LTB: variants seen among roughly 807,000 people sequenced by gnomAD.
LTB encodes the protein lymphotoxin-beta.
In LTB, 17 loss-of-function variants were observed where a neutral mutation model predicts 14.7. The observed-to-expected ratio is 1.16, with a 90% CI of 0.79 to 1.73. The LOEUF is 1.73. Among genes scored for constraint, LTB ranks in the 40% most tolerant of loss-of-function variants. The pLI, the probability that LTB is intolerant of heterozygous loss-of-function variation, is 0.00. For missense variants in LTB, 288 were observed against 324.3 expected (o/e 0.89, Z 0.86); for synonymous variants, 163 against 157.3 (o/e 1.04, Z -0.27).
At position 31,581,180 on chromosome 6, in the gene LTB, C is replaced by G. The variant is rs1482946108; in HGVS notation, c.281-17G>C. 13 of 1,516,328 alleles carry G rather than the reference C, an allele frequency of 8.6e-6. No individual in the cohort carries two copies. The highest frequency in any genetic ancestry group is 1.1e-5 in the Non-Finnish European group (13 of 1,134,678). 93.9% of individuals were successfully genotyped at this position (1,516,328 alleles called of 1,614,324 possible). A position where few individuals can be genotyped will look rare whatever the true frequency, so the allele number is the denominator to read the frequency against. ...GCGGAGCGCCTGCGGAGACACGGGC[C>G]GACGCGCTCTTGGGAATGCGATCCT... On this transcript the variant is annotated splice_polypyrimidine_tract_variant and intron_variant, in intron 3 of 3. Coordinates refer to ENST00000429299, the MANE Select transcript of LTB (RefSeq NM_002341.2).
At chr6:31,582,015 T>C (rs532177689) in intron 1 of LTB, 156 bp from the exon 2 acceptor site, 2 of 836,994 alleles carry the variant, frequency 2.4e-6, no homozygotes, top group Admixed American at 2.7e-5. Context: ...AAGGCATAGG[T>C]ACTTGGGCGG....
chr6:31,582,109 AAG>A lies in LTB; in HGVS notation c.162+145_162+146del, dbSNP rs1440273445. On this transcript the variant is annotated intron_variant, in intron 1 of 3. Transcript: ENST00000429299. ...AAGCACAACATCACAGGAACATGGA[AAG>A]AGAGTCAGCAAAGAGACAAGACATC... is the stretch of plus-strand genomic sequence containing the variant. The A allele has an allele frequency of 6.2e-6, 6 of 966,016 alleles. No individual in the cohort carries two copies. The East Asian group carries it at 7.3e-5, about 12-fold the overall frequency. The allele number at this position is 966,016 out of a possible 1,614,324, so 59.8% of individuals were successfully genotyped here. A position where few individuals can be genotyped will look rare whatever the true frequency, so the allele number is the denominator to read the frequency against.
chr6:31,581,398 C>T (rs1771497875), intron 3 of LTB, among the ~76,000 whole-genome samples, 161 bp downstream of exon 3: 1 of 152,192 alleles, frequency 6.6e-6, no homozygotes, highest in Non-Finnish European at 1.5e-5. Context: ...GAAGAAGAAA[C>T]TACACTGCGG....
chr6:31,581,971 C>T (rs549758820), intron 1 of LTB, 112 bp from the exon 2 acceptor site: 4 of 1,068,922 alleles, frequency 3.7e-6, no homozygotes, highest in Middle Eastern at 2.1e-4. Context: ...CAGCACCATC[C>T]CCAACACACA....
intron 1 of LTB, 39 bp from the exon 2 acceptor site, chr6:31,581,898 AG>A (rs2150395203): frequency 6.5e-7 from 1 of 1,547,800 alleles, no homozygotes; most frequent in Admixed American, 2.0e-5. Context: ...GTTCAGATTC[AG>A]CTCATGTCAC....
chr6:31,581,084 C>T lies in LTB; in HGVS notation c.360G>A (p.Ser120=). 6.2e-7 allele frequency: 1 copy of T among 1,610,352 alleles called. No homozygotes were observed. Among genetic ancestry groups the T allele is most frequent in the Non-Finnish European group, 8.5e-7 (1 of 1,178,722 alleles). Residue 120 remains serine, a synonymous_variant, in exon 4 of 4, where the codon TCG becomes TCA. Coordinates refer to ENST00000429299, the MANE Select transcript of LTB (RefSeq NM_002341.2). Reference sequence around the variant, plus strand: ...GCGGGAGCGCCAGCCCCTCGGCGTCCGAGAACTGCGTCCCGCTCGTCAGAA... The same window carrying T: ...GCGGGAGCGCCAGCCCCTCGGCGTCTGAGAACTGCGTCCCGCTCGTCAGAA... ...QAFLTSGTQF[S]DAEGLALPQD...
Position 31,580,682 on chromosome 6 carries a change from G to T in LTB, c.*27C>A. 6.4e-7 allele frequency: 1 copy of T among 1,565,838 alleles called. No individual in the cohort carries two copies. The highest frequency in any genetic ancestry group is 8.7e-7 in the Non-Finnish European group (1 of 1,148,984). On this transcript the variant is annotated 3_prime_UTR_variant, in exon 4 of 4. Transcript: ENST00000429299. The surrounding 1 kb of genome is among the most constrained non-coding windows in gnomAD (Gnocchi z 6.6). ...GGGCGTCCGGGCCCCCAATATTCAC[G>T]CACTCGCACCACGCACTCATATTCC...
intron 1 of LTB, 154 bp from the exon 2 acceptor site, chr6:31,582,013 G>C (rs543196679): frequency 4.7e-6 from 4 of 849,354 alleles, no homozygotes; most frequent in East Asian, 2.6e-5. Flanking sequence ...GCAAGGCATA[G>C]GTACTTGGGC....
In LTB at chr6:31,581,615, G is replaced by A. The variant is rs1389222044; in HGVS notation, c.224C>T (p.Pro75Leu). ...GAGATCTGTTTCTGGCTCCTCCTCT[G>A]GCAGCTTCTGAAACCCTGGAAGGGG... ...AQQGLGFQKL[P>L]EEEPETDLSP... is the part of the protein sequence containing the mutation. The change falls in exon 3 of 4, where the codon CCA (proline) becomes CTA (leucine). Residue 75 changes from proline to leucine, a missense_variant. Pro to Leu is a moderately conservative substitution (Grantham distance 98). Coordinates refer to ENST00000429299, the MANE Select transcript of LTB (RefSeq NM_002341.2). 31 of 1,612,902 alleles carry A rather than the reference G, an allele frequency of 1.9e-5. No individual in the cohort carries two copies. The highest frequency in any genetic ancestry group is 2.5e-5 in the Non-Finnish European group (29 of 1,179,964).
intron 1 of LTB, 73 bp downstream of exon 1, chr6:31,582,183 C>T: frequency 3.8e-6 from 6 of 1,576,850 alleles, no homozygotes. Flanking sequence ...GGCAAAAGAC[C>T]ACAGGCACAA....
chr6:31,580,913 C>G lies in LTB; in HGVS notation c.531G>C (p.Leu177=). The part of the protein sequence containing the change: ...GGAYGPGTPE[L]LLEGAETVTP... ...TCACCGTCTCGGCGCCCTCGAGCAG[C>G]AGCTCGGGAGTGCCCGGCCCGTAGG... Residue 177 remains leucine (L), a synonymous_variant, in exon 4 of 4, where the codon CTG becomes CTC. Transcript: ENST00000429299. This position sits in a 1 kb window ranked among gnomAD's most constrained non-coding sequence, Gnocchi z 6.6. 2 of 1,591,230 alleles carry G rather than the reference C, an allele frequency of 1.3e-6. No homozygotes were observed. Among genetic ancestry groups the G allele is most frequent in the South Asian group, 2.3e-5 (2 of 88,420 alleles).
intron 1 of LTB, 120 bp from the exon 2 acceptor site, chr6:31,581,979 A>T (rs547739890): frequency 9.9e-7 from 1 of 1,013,506 alleles, no homozygotes; most frequent in East Asian, 2.4e-5. Context: ...TCCCCAACAC[A>T]CACCTCCTTA....
rs1305717613 is a variant in LTB at position 31,581,068 on chromosome 6, C to T, written c.376G>A (p.Ala126Thr). 8.1e-6 allele frequency: 13 copies of T among 1,610,752 alleles called. No individual in the cohort carries two copies. Among genetic ancestry groups the T allele is most frequent in the Non-Finnish European group, 1.1e-5 (13 of 1,179,122 alleles). Reference protein sequence around the residue: ...GTQFSDAEGLALPQDGLYYLY... With the variant: ...GTQFSDAEGLTLPQDGLYYLY... ...TAATAGAGGCCGTCCTGCGGGAGCG[C>T]CAGCCCCTCGGCGTCCGAGAACTGC... Residue 126 changes from alanine to threonine, a missense_variant, in exon 4 of 4, where the codon GCG (alanine) becomes ACG (threonine). Around this residue, in one of 2 missense-constraint regions of LTB, gnomAD observed 284 missense variants for 299.2 expected, o/e 0.95. Transcript: ENST00000429299.
intron 3 of LTB, 76 bp from the exon 4 acceptor site, chr6:31,581,239 T>C (rs1200597276): frequency 2.1e-6 from 3 of 1,397,576 alleles, no homozygotes; most frequent in East Asian, 2.3e-5. Flanking sequence ...GTGGCGGCTT[T>C]TAGCCCCTGC....
rs1237145100 is a variant in LTB, at chr6:31,581,107, G to C, written c.337C>G (p.Leu113Val). 1 of 1,602,700 alleles carries C rather than the reference G, an allele frequency of 6.2e-7. No individual in the cohort carries two copies. Among genetic ancestry groups the C allele is most frequent in the Non-Finnish European group, 8.5e-7 (1 of 1,175,830 alleles). ...GWETTKEQAFLTSGTQFSDAE... is the reference protein window; with the variant it reads ...GWETTKEQAFVTSGTQFSDAE... Reference sequence around the variant, plus strand: ...TCCGAGAACTGCGTCCCGCTCGTCAGAAACGCCTGTTCCTTCGTCGTCTCC... The same window carrying C: ...TCCGAGAACTGCGTCCCGCTCGTCACAAACGCCTGTTCCTTCGTCGTCTCC... Residue 113 changes from leucine (L) to valine (V), a missense_variant, in exon 4 of 4, where the codon CTG (leucine) becomes GTG (valine). By Grantham distance (32) the Leu-to-Val change is conservative (BLOSUM62 1). Transcript: ENST00000429299.
intron 1 of LTB, 156 bp from the exon 2 acceptor site, chr6:31,582,015 T>A (rs532177689): frequency 3.6e-6 from 3 of 836,992 alleles, no homozygotes; most frequent in East Asian, 2.6e-5. Context: ...AAGGCATAGG[T>A]ACTTGGGCGG....
Position 31,581,046 on chromosome 6 carries a change from T to A in LTB, c.398A>T (p.Tyr133Phe). The change falls in exon 4 of 4, where the codon TAT (tyrosine) becomes TTT (phenylalanine). Residue 133 changes from tyrosine to phenylalanine, a missense_variant. Transcript: ENST00000429299. ...GTAGCCGACGAGACAGTAGAGGTAA[T>A]AGAGGCCGTCCTGCGGGAGCGCCAG... Reference protein sequence around the residue: ...EGLALPQDGLYYLYCLVGYRG... With the variant: ...EGLALPQDGLFYLYCLVGYRG... The A allele has an allele frequency of 6.2e-7, 1 of 1,606,830 alleles. No individual in the cohort carries two copies. The highest frequency in any genetic ancestry group is 2.2e-5 in the East Asian group (1 of 44,682).
rs375959608 is a variant in LTB, at chr6:31,581,066, C to G, written c.378G>C (p.Ala126=). Residue 126 remains alanine (A), a synonymous_variant, in exon 4 of 4, where the codon GCG becomes GCC. Transcript: ENST00000429299. ...GGTAATAGAGGCCGTCCTGCGGGAG[C>G]GCCAGCCCCTCGGCGTCCGAGAACT... ...GTQFSDAEGL[A]LPQDGLYYLY... 4.3e-5 allele frequency: 70 copies of G among 1,610,240 alleles called. No individual in the cohort carries two copies. Among genetic ancestry groups the G allele is most frequent in the Admixed American group, 1.2e-4 (7 of 59,390 alleles).
chr6:31,581,992 A>G (rs191194850), intron 1 of LTB, 133 bp from the exon 2 acceptor site: 3 of 938,340 alleles, frequency 3.2e-6, no homozygotes, highest in Admixed American at 2.5e-5. Context: ...CCTCCTTAGA[A>G]GGGAGAACAA....
Sources: gnomAD v4.1 joint callset for allele counts (sites outside exome capture counted in the v4.1 genomes callset) on GRCh38, gnomAD v4.1.1 for gene constraint, gnomAD v4.1.1 regional missense constraint, Gnocchi (gnomAD v3.1) non-coding constraint, MANE v1.5 for transcripts, NCBI Gene and HGNC (gene_info 2026-07-23, HGNC 2026-07-21) for gene names.